ELMO1: variants seen among roughly 807,000 people sequenced by gnomAD.
The protein encoded by ELMO1 is engulfment and cell motility protein 1.
Under a neutral mutation model 98.9 loss-of-function variants are expected in ELMO1, and 26 were observed. The observed-to-expected ratio is 0.26, with a 90% CI of 0.19 to 0.36. The LOEUF (loss-of-function observed/expected upper bound fraction) is 0.36, where lower values mean the gene tolerates loss of function less well. Ranked by LOEUF, ELMO1 falls within the 10% of genes least tolerant of loss-of-function variation. ELMO1 has a pLI of 1.00. For missense variants in ELMO1, 627 were observed against 935.2 expected (o/e 0.67, Z 4.30); for synonymous variants, 346 against 346.0 (o/e 1.00, Z 0.00).
At chr7:37,364,172 G>A (rs953377407) in intron 1 of ELMO1, among the ~76,000 whole-genome samples, 1 of 152,200 alleles carries the variant, frequency 6.6e-6, no homozygotes, top group Non-Finnish European at 1.5e-5. Flanking sequence ...GCTGTCAGCA[G>A]GCCAAACTTC....
chr7:36,922,788 A>G (rs974760822), intron 16 of ELMO1, among the ~76,000 whole-genome samples: 3 of 152,146 alleles, frequency 2.0e-5, no homozygotes, highest in Admixed American at 1.3e-4. Flanking sequence ...CCCCCCTTTC[A>G]TATTCGTCTT....
intron 1 of ELMO1, among the ~76,000 whole-genome samples, chr7:37,443,572 C>G (rs9655382): frequency 2.0e-5 from 3 of 152,086 alleles, no homozygotes; most frequent in Non-Finnish European, 4.4e-5. Context: ...CTGCTCGTAC[C>G]GTACCTGCAC....
In ELMO1 at chr7:37,213,449, G is replaced by A. The variant is rs888621763; in HGVS notation, c.840C>T (p.Ile280=). The change falls in exon 12 of 22, where the codon ATC becomes ATT. Residue 280 remains isoleucine (I), a synonymous_variant. Coordinates refer to ENST00000310758, the MANE Select transcript of ELMO1 (RefSeq NM_014800.11). The stretch of plus-strand genomic sequence containing the variant: ...CATTGTTGATGGCCCGCTGGGCTCG[G>A]ATGACATGCTAGGGAGATGGTTCAC... ...QLRSIILTHV[I]RAQRAINNEM... is the part of the protein sequence containing the mutation. 1 of 1,611,586 alleles carries A rather than the reference G, an allele frequency of 6.2e-7. No individual in the cohort carries two copies. Among genetic ancestry groups the A allele is most frequent in the South Asian group, 1.1e-5 (1 of 90,934 alleles).
intron 16 of ELMO1, among the ~76,000 whole-genome samples, chr7:36,984,565 A>G (rs758932568): frequency 1.3e-4 from 20 of 152,206 alleles, no homozygotes; most frequent in Non-Finnish European, 2.5e-4. Context: ...AGTAAATTCT[A>G]TTCTAGAGCC....
chr7:36,920,394 T>C (rs1785049720), intron 16 of ELMO1, among the ~76,000 whole-genome samples: 1 of 152,184 alleles, frequency 6.6e-6, no homozygotes, highest in Non-Finnish European at 1.5e-5. Context: ...TCCAAACATA[T>C]AGTTTATGTT....
intron 14 of ELMO1, among the ~76,000 whole-genome samples, chr7:37,127,963 C>T (rs1044768823): frequency 5.3e-5 from 8 of 152,082 alleles, no homozygotes; most frequent in South Asian, 2.1e-4. Context: ...GAGGCCAAGG[C>T]GGGCAGATCA....
intron 13 of ELMO1, among the ~76,000 whole-genome samples, chr7:37,169,286 C>G (rs1563052756): frequency 6.6e-6 from 1 of 152,238 alleles, no homozygotes; most frequent in Non-Finnish European, 1.5e-5. Flanking sequence ...TGACCCCTTG[C>G]ACTTCCCGAG....
At chr7:37,013,164 CT>C (rs1793673779) in intron 16 of ELMO1, 134 bp downstream of exon 16, 1 of 1,164,994 alleles carries the variant, frequency 8.6e-7, no homozygotes, top group East Asian at 2.5e-5. Context: ...TTTCTCCATT[CT>C]TGAAGCAACT....
At chr7:37,107,479 A>G (rs544407104) in intron 14 of ELMO1, among the ~76,000 whole-genome samples, 1 of 152,240 alleles carries the variant, frequency 6.6e-6, no homozygotes, top group Non-Finnish European at 1.5e-5. Flanking sequence ...TGGATGCTGA[A>G]TAAAAGCAGA....
In ELMO1 at chr7:36,966,784, G is replaced by A. The variant is rs906881496; in HGVS notation, c.1437+46515C>T. ...TGACCATAAGACAAATTGTTCTTCA[G>A]AAAGGACCAGAATAGAAACACCAGT... is the stretch of plus-strand genomic sequence containing the variant. On this transcript the variant is annotated intron_variant, in intron 16 of 21. Coordinates refer to ENST00000310758, the MANE Select transcript of ELMO1 (RefSeq NM_014800.11). 9.8e-5 allele frequency among the ~76,000 whole-genome samples: 15 copies of A among 152,322 alleles called. No homozygotes were observed. In the Middle Eastern group the frequency reaches 0.01, roughly 104 times the overall value.
At chr7:37,246,634 G>A (rs1316241500) in intron 6 of ELMO1, among the ~76,000 whole-genome samples, 1 of 152,184 alleles carries the variant, frequency 6.6e-6, no homozygotes, top group African/African-American at 2.4e-5. Context: ...GGATAAATCT[G>A]TAAAAAACAA....
intron 14 of ELMO1, among the ~76,000 whole-genome samples, chr7:37,130,686 G>T (rs1584693872): frequency 6.6e-6 from 1 of 152,184 alleles, no homozygotes; most frequent in Admixed American, 6.5e-5. Flanking sequence ...TGGCTAGAAA[G>T]TGGGTGAGGG....
chr7:37,334,382 G>A (rs1800283609), intron 2 of ELMO1, among the ~76,000 whole-genome samples: 1 of 152,130 alleles, frequency 6.6e-6, no homozygotes, highest in African/African-American at 2.4e-5. Context: ...GGAGACGGAG[G>A]TTGCAGTGAG....
rs1203326132 is a variant in ELMO1 at position 37,314,856 on chromosome 7, T to C, written c.186A>G (p.Thr62=). 1 of 1,613,164 alleles carries C rather than the reference T, an allele frequency of 6.2e-7. No individual in the cohort carries two copies. The highest frequency in any genetic ancestry group is 8.5e-7 in the Non-Finnish European group (1 of 1,179,610). The change falls in exon 4 of 22, where the codon ACA becomes ACG. Residue 62 remains threonine (T), a synonymous_variant. Transcript: ENST00000310758. ...QHADSSNFYI[T]EKNRNEIKNG... ...AATAATGTAGTTGACCTACCTTTTC[T>C]GTGATATAGAAGTTTGAACTATCGG...
intron 13 of ELMO1, among the ~76,000 whole-genome samples, chr7:37,168,608 A>G (rs939287734): frequency 2.4e-4 from 36 of 152,128 alleles, no homozygotes; most frequent in African/African-American, 7.7e-4. Flanking sequence ...TCCACTTCAG[A>G]CCCTGTTTGC....
At chr7:37,116,980 G>C (rs561630435) in intron 14 of ELMO1, 4 of 212,782 alleles carry the variant, frequency 1.9e-5, no homozygotes, top group Non-Finnish European at 3.0e-5. Flanking sequence ...CCAGTGAGAG[G>C]CATCTCCATC....
intron 4 of ELMO1, among the ~76,000 whole-genome samples, chr7:37,288,905 AC>A (rs1336023845): frequency 6.6e-6 from 1 of 152,200 alleles, no homozygotes; most frequent in Non-Finnish European, 1.5e-5. Context: ...AGCAGGGTAA[AC>A]CAAAGCAGCA....
intron 14 of ELMO1, among the ~76,000 whole-genome samples, chr7:37,127,660 T>A (rs1786619240): frequency 1.3e-5 from 2 of 152,224 alleles, no homozygotes; most frequent in African/African-American, 2.4e-5. Context: ...AGGTGAATAT[T>A]ACCATGAAGA....
At chr7:37,161,559 T>C (rs1271170167) in intron 13 of ELMO1, among the ~76,000 whole-genome samples, 1 of 152,154 alleles carries the variant, frequency 6.6e-6, no homozygotes, top group Non-Finnish European at 1.5e-5. Context: ...ACTTGTTCTA[T>C]TTATGAAGAT....
Sources: allele counts gnomAD v4.1 joint callset (sites outside exome capture counted in the v4.1 genomes callset), GRCh38; gene constraint gnomAD v4.1.1; transcripts MANE v1.5; gene names NCBI Gene and HGNC (gene_info 2026-07-23, HGNC 2026-07-21).